NBAS: variants seen among roughly 807,000 people sequenced by gnomAD.
The protein encoded by NBAS is NBAS subunit of NRZ tethering complex.
NBAS carries 219 observed loss-of-function variants against 302.5 expected under a neutral mutation model. That is an observed-to-expected ratio of 0.72 (90% CI 0.65 to 0.81). The LOEUF (loss-of-function observed/expected upper bound fraction) is 0.81. NBAS is among the 30% of genes least tolerant of loss of function. The pLI is 0.00. For synonymous variants in NBAS, 1,118 were observed against 1,021.6 expected (o/e 1.09, Z -1.80); for missense variants, 2,932 against 2,841.6 (o/e 1.03, Z -0.72).
the NBAS span, among the ~76,000 whole-genome samples, chr2:14,896,583 AT>A: frequency 3.0e-4 from 45 of 149,098 alleles, no homozygotes; most frequent in Non-Finnish European, 4.9e-4. Flanking sequence ...TTCTCTTGCC[AT>A]TTTTTTTTTC....
At chr2:15,034,167 G>A in the NBAS span, among the ~76,000 whole-genome samples, 12 of 118,200 alleles carry the variant, frequency 1.0e-4, no homozygotes, top group Non-Finnish European at 8.5e-5. Context: ...AGGAGGTGGA[G>A]GAAGAAGAAG....
intron 35 of NBAS, among the ~76,000 whole-genome samples, chr2:15,332,426 T>A (rs548043217): frequency 6.6e-6 from 1 of 152,312 alleles, no homozygotes; most frequent in South Asian, 2.1e-4. Context: ...AATGCATTTA[T>A]TCTTACTTCT....
At chr2:14,785,805 A>G in the NBAS span, among the ~76,000 whole-genome samples, 256 of 152,180 alleles carry the variant, frequency 1.7e-3, 1 homozygote, top group African/African-American at 4.7e-3. Flanking sequence ...GTCTCTGCCC[A>G]GCTTTGGTAT....
intron 32 of NBAS, among the ~76,000 whole-genome samples, chr2:15,365,471 T>C (rs1674153289): frequency 6.6e-6 from 1 of 152,158 alleles, no homozygotes; most frequent in Non-Finnish European, 1.5e-5. Context: ...ATTCCTATTT[T>C]CCAGATGCAG....
chr2:14,845,861 A>G, the NBAS span, among the ~76,000 whole-genome samples: 1 of 152,092 alleles, frequency 6.6e-6, no homozygotes, highest in African/African-American at 2.4e-5. Flanking sequence ...ACACAGTCAG[A>G]AGAGAGAAAA....
the NBAS span, among the ~76,000 whole-genome samples, chr2:14,999,259 C>T: frequency 2.0e-5 from 3 of 151,986 alleles, no homozygotes; most frequent in South Asian, 6.3e-4. Flanking sequence ...GTAAGCTAGC[C>T]AACTATTTCA....
intron 44 of NBAS, among the ~76,000 whole-genome samples, chr2:15,260,865 T>C (rs954365242): frequency 1.3e-5 from 2 of 152,170 alleles, no homozygotes; most frequent in Admixed American, 6.5e-5. Flanking sequence ...AACAAAAATG[T>C]CAGGAAACGA....
chr2:15,479,202 C>G (rs1680319422), intron 12 of NBAS, among the ~76,000 whole-genome samples: 1 of 152,004 alleles, frequency 6.6e-6, no homozygotes, highest in African/African-American at 2.4e-5. Context: ...AAGACACGGT[C>G]TTAAACTTAA....
chr2:15,080,802 C>A, the NBAS span, among the ~76,000 whole-genome samples: 1 of 152,326 alleles, frequency 6.6e-6, no homozygotes, highest in East Asian at 1.9e-4. Flanking sequence ...GATAGTCACA[C>A]TTCCACCTGG....
intron 25 of NBAS, among the ~76,000 whole-genome samples, chr2:15,414,619 T>C (rs912876030): frequency 6.6e-6 from 1 of 152,200 alleles, no homozygotes; most frequent in East Asian, 1.9e-4. Flanking sequence ...CATATAGTAA[T>C]TGTAAGCAAA....
chr2:15,365,005 T>C (rs1280604321), intron 32 of NBAS, among the ~76,000 whole-genome samples: 1 of 152,138 alleles, frequency 6.6e-6, no homozygotes, highest in African/African-American at 2.4e-5. Flanking sequence ...AGGCAAAAAT[T>C]AGCACGGCCT....
chr2:15,223,616 G>C (rs1187815779), intron 47 of NBAS, among the ~76,000 whole-genome samples: 1 of 151,966 alleles, frequency 6.6e-6, no homozygotes, highest in Non-Finnish European at 1.5e-5. Flanking sequence ...AGAACACAAG[G>C]TCTGGAGATC....
At chr2:15,334,136 T>C (rs546492097) in intron 35 of NBAS, among the ~76,000 whole-genome samples, 1 of 152,004 alleles carries the variant, frequency 6.6e-6, no homozygotes, top group Admixed American at 6.5e-5. Context: ...ATAAGTTAAA[T>C]AAGCTGCCTA....
At chr2:15,400,090 A>G (rs1427047699) in intron 26 of NBAS, among the ~76,000 whole-genome samples, 1 of 152,216 alleles carries the variant, frequency 6.6e-6, no homozygotes, top group Non-Finnish European at 1.5e-5. Context: ...AGAAGAAAGG[A>G]AAACCAAGAA....
chr2:15,201,219 C>T (rs1009845321), intron 48 of NBAS, among the ~76,000 whole-genome samples: 3 of 152,138 alleles, frequency 2.0e-5, no homozygotes, highest in African/African-American at 4.8e-5. Flanking sequence ...CTGTGCAATA[C>T]CTTTCATGAA....
the NBAS span, among the ~76,000 whole-genome samples, chr2:14,787,078 G>A: frequency 1.3e-5 from 2 of 152,072 alleles, no homozygotes; most frequent in African/African-American, 2.4e-5. Context: ...ATTATGTAAT[G>A]GCCTCTTTGT....
At chr2:15,460,316 A>G (rs1679451182) in intron 21 of NBAS, among the ~76,000 whole-genome samples, 1 of 152,146 alleles carries the variant, frequency 6.6e-6, no homozygotes, top group African/African-American at 2.4e-5. Context: ...CAAGACAGGG[A>G]CTTCAACCCA....
At chr2:15,422,635 T>G (rs1677267070) in intron 23 of NBAS, among the ~76,000 whole-genome samples, 1 of 152,094 alleles carries the variant, frequency 6.6e-6, no homozygotes, top group African/African-American at 2.4e-5. Context: ...ATGTTTGAAA[T>G]TTGGGTTACA....
chr2:15,335,967 G>A (rs918689990), intron 35 of NBAS, among the ~76,000 whole-genome samples: 3 of 151,980 alleles, frequency 2.0e-5, no homozygotes, highest in East Asian at 1.9e-4. Flanking sequence ...ATTGTGGCAC[G>A]TGCCTCTAGT....
Sources: allele counts gnomAD v4.1 joint callset (sites outside exome capture counted in the v4.1 genomes callset), GRCh38; gene constraint gnomAD v4.1.1; transcripts MANE v1.5; gene names NCBI Gene and HGNC (gene_info 2026-07-23, HGNC 2026-07-21).